Variants in POM121 observed in about 807,000 individuals in gnomAD.
POM121 encodes the protein POM121 transmembrane nucleoporin, also known as nuclear envelope pore membrane protein POM 121.
Under a neutral mutation model 81.3 loss-of-function variants are expected in POM121, and 32 were observed. The ratio of observed to expected loss-of-function variants is 0.39; its 90% CI spans 0.30 to 0.53. The LOEUF (loss-of-function observed/expected upper bound fraction) is 0.53. Ranked by LOEUF, POM121 falls within the 20% of genes least tolerant of loss-of-function variation. The pLI is 0.66. For missense variants in POM121, 1,138 were observed against 1,614.6 expected, an observed-to-expected ratio of 0.70 and a Z score of 5.06; for synonymous variants, 514 against 694.2, an observed-to-expected ratio of 0.74 and a Z score of 4.08.
intron 1 of POM121, among the ~76,000 whole-genome samples, chr7:72,886,810 T>C (rs1217595929): frequency 2.0e-5 from 3 of 151,456 alleles, no homozygotes; most frequent in African/African-American, 7.3e-5. Context: ...CTTTTTTTCT[T>C]CCCCCCTTAT....
At chr7:72,949,421 C>T (rs188842092), downstream of POM121, 989 of 1,503,836 alleles carry the variant, frequency 6.6e-4, 22 homozygotes, top group Admixed American at 0.011. Flanking sequence ...CAGCAGGAGA[C>T]GCCAGCCCAG....
At position 72,943,083 on chromosome 7, in the gene POM121, T is replaced by G. The variant is rs782388028; in HGVS notation, c.3090T>G (p.Phe1030Leu). ...AYVPTPIHPI[F>L]GGATHSAFGL... ...TGCCTACGCCCATCCATCCTATCTT[T>G]GGCGGTGCCACGCACTCGGCGTTTG... is the stretch of plus-strand genomic sequence containing the variant. The change falls in exon 11 of 13, where the codon TTT (phenylalanine) becomes TTG (leucine). Residue 1030 changes from phenylalanine to leucine, a missense_variant. By Grantham distance (22) the Phe-to-Leu change is conservative. Coordinates refer to ENST00000434423, the MANE Select transcript of POM121 (RefSeq NM_001387691.1). 38 of 1,613,662 alleles carry G rather than the reference T, an allele frequency of 2.4e-5. 1 individual carries two copies. The East Asian group carries it at 4.9e-4, about 21-fold the overall frequency.
At chr7:72,889,424 G>A (rs62463393) in intron 1 of POM121, among the ~76,000 whole-genome samples, 6 of 152,328 alleles carry the variant, frequency 3.9e-5, no homozygotes, top group Non-Finnish European at 8.8e-5. Flanking sequence ...AAGTTTGGGC[G>A]GGGCATGCTG....
rs1352099442 is a variant in POM121, at chr7:72,946,437, C to T, written c.*203C>T. On this transcript the variant is annotated 3_prime_UTR_variant, in exon 13 of 13. Coordinates refer to ENST00000434423, the MANE Select transcript of POM121 (RefSeq NM_001387691.1). Reference sequence around the variant, plus strand: ...GCCTCAGGGAAGGGGAAGCAGGATGCGGAGGGCCAAAGCCCGGGACCTCTA... The same window carrying T: ...GCCTCAGGGAAGGGGAAGCAGGATGTGGAGGGCCAAAGCCCGGGACCTCTA... The T allele has an allele frequency of 2.6e-5, 37 of 1,405,666 alleles. No individual in the cohort carries two copies. The East Asian group carries it at 6.5e-4, about 25-fold the overall frequency. The allele number at this position is 1,405,666 out of a possible 1,614,324, so 87.1% of individuals were successfully genotyped here. A position where few individuals can be genotyped will look rare whatever the true frequency, so the allele number is the denominator to read the frequency against.
intron 12 of POM121, 105 bp from the exon 13 acceptor site, chr7:72,946,032 G>A (rs1797658329): frequency 6.7e-7 from 1 of 1,493,566 alleles, no homozygotes; most frequent in Non-Finnish European, 8.9e-7. Context: ...CCCTATTGAG[G>A]CACCCTGTGT....
intron 3 of POM121, among the ~76,000 whole-genome samples, chr7:72,904,332 G>A (rs1305719555): frequency 1.3e-5 from 2 of 152,226 alleles, no homozygotes; most frequent in African/African-American, 2.4e-5. Context: ...CTGTTAGCAC[G>A]CCTCTAGTTT....
At chr7:72,920,345 C>CTTT (rs781909518), upstream of POM121, among the ~76,000 whole-genome samples, 1,004 of 112,456 alleles carry the variant, frequency 8.9e-3, 23 homozygotes, top group African/African-American at 0.031. Flanking sequence ...GAGTAATGGT[C>CTTT]TTTTTTTTTT....
At chr7:72,918,841 A>G (rs1794532270) in intron 4 of POM121, among the ~76,000 whole-genome samples, 2 of 152,218 alleles carry the variant, frequency 1.3e-5, no homozygotes, top group South Asian at 4.1e-4. Flanking sequence ...CTCTGTCTCC[A>G]GGCTGGAGTG....
At chr7:72,911,221 T>C (rs1554494237) in intron 3 of POM121, among the ~76,000 whole-genome samples, 1 of 152,210 alleles carries the variant, frequency 6.6e-6, no homozygotes, top group East Asian at 1.9e-4. Context: ...TGACCTCAGG[T>C]GATCTGCCTG....
At chr7:72,945,816 G>T in intron 12 of POM121, 108 bp downstream of exon 12, 12 of 1,478,266 alleles carry the variant, frequency 8.1e-6, no homozygotes, top group Non-Finnish European at 1.1e-5. Flanking sequence ...GTTCAGCACA[G>T]GAAAGACATT....
At chr7:72,914,735 G>A (rs1397047221) in intron 4 of POM121, among the ~76,000 whole-genome samples, 7 of 152,084 alleles carry the variant, frequency 4.6e-5, no homozygotes, top group Non-Finnish European at 8.8e-5. Context: ...GGTGGTAGGT[G>A]CACTGTCAAT....
Position 72,926,246 on chromosome 7 carries a change from C to T in POM121, c.645-16C>T. ...TTTTTGCTTTGGTTCCGTGATTTGT[C>T]TCGCATTCTCTGCAGGGATTGTGGG... On this transcript the variant is annotated splice_polypyrimidine_tract_variant and intron_variant, in intron 1 of 12. Transcript: ENST00000434423. 1 of 1,548,680 alleles carries T rather than the reference C, an allele frequency of 6.5e-7. No homozygotes were observed. Among genetic ancestry groups the T allele is most frequent in the Non-Finnish European group, 8.7e-7 (1 of 1,144,086 alleles).
chr7:72,891,564 G>A (rs1791299500), intron 3 of POM121, among the ~76,000 whole-genome samples: 1 of 152,082 alleles, frequency 6.6e-6, no homozygotes, highest in Admixed American at 6.6e-5. Context: ...ATGCCACCAA[G>A]CCTGGCTAAT....
In POM121 at chr7:72,938,288, G is replaced by A. The variant is rs1418619039; in HGVS notation, c.1276-302G>A. Among the ~76,000 whole-genome samples, 21 of 151,328 alleles carry A rather than the reference G, an allele frequency of 1.4e-4. No homozygotes were observed. The Middle Eastern group carries it at 0.01, about 74-fold the overall frequency. On this transcript the variant is annotated intron_variant, in intron 5 of 12. Coordinates refer to ENST00000434423, the MANE Select transcript of POM121 (RefSeq NM_001387691.1). ...GTCACCCAGGCTGGAGTGCAGTGGG[G>A]CAATCTCAGCTCACTGCAGCATCCT... is the stretch of plus-strand genomic sequence containing the variant.
Position 72,946,391 on chromosome 7 carries a change from T to G in POM121, c.*157T>G. 2 of 1,433,010 alleles carry G rather than the reference T, an allele frequency of 1.4e-6. No homozygotes were observed. Among genetic ancestry groups the G allele is most frequent in the South Asian group, 3.0e-5 (2 of 65,794 alleles). 88.8% of individuals were successfully genotyped at this position (1,433,010 alleles called of 1,614,324 possible). ...GGGCAGTGGCAGCCCTGGGGCCCTT[T>G]CCCTTCTGGAGGAAGCACAAGCCTC... On this transcript the variant is annotated 3_prime_UTR_variant, in exon 13 of 13. Coordinates refer to ENST00000434423, the MANE Select transcript of POM121 (RefSeq NM_001387691.1).
At chr7:72,920,246 G>A (rs1201035352), upstream of POM121, among the ~76,000 whole-genome samples, 1 of 150,596 alleles carries the variant, frequency 6.6e-6, no homozygotes, top group Non-Finnish European at 1.5e-5. Context: ...TTGATTGGTT[G>A]TTCTTATTAT....
In POM121 at chr7:72,900,457, T is replaced by G. The variant is rs555046331; in HGVS notation, c.-216+9347T>G. The stretch of plus-strand genomic sequence containing the variant: ...GCCAACATTTGGTTTAATTGATTTT[T>G]TAAATGTTTCTATTTTAACTTCACT... On this transcript the variant is annotated intron_variant, in intron 3 of 15. Transcript: ENST00000395270. 8.5e-5 allele frequency among the ~76,000 whole-genome samples: 13 copies of G among 152,236 alleles called. No individual in the cohort carries two copies. The South Asian group carries it at 2.5e-3, about 29-fold the overall frequency.
chr7:72,890,790 A>C (rs1791227117), intron 2 of POM121: 1 of 1,584,140 alleles, frequency 6.3e-7, no homozygotes, highest in African/African-American at 1.3e-5. Context: ...TCTCAGTTGA[A>C]TGGGGTTTTA....
intron 3 of POM121, among the ~76,000 whole-genome samples, chr7:72,900,724 G>A (rs2129575543): frequency 6.6e-6 from 1 of 152,088 alleles, no homozygotes; most frequent in Admixed American, 6.6e-5. Flanking sequence ...GGCTGGTGTT[G>A]AACTCCTGGC....
Sources: allele counts gnomAD v4.1 joint callset (sites outside exome capture counted in the v4.1 genomes callset), GRCh38; gene constraint gnomAD v4.1.1; transcripts MANE v1.5; gene names NCBI Gene and HGNC (gene_info 2026-07-23, HGNC 2026-07-21).